Variants in RALYL observed in about 807,000 individuals in gnomAD.
The protein encoded by RALYL is RALY RNA binding protein like.
A neutral mutation model predicts 35.1 loss-of-function variants in RALYL; 29 were observed. The ratio of observed to expected loss-of-function variants is 0.83; its 90% confidence interval spans 0.61 to 1.13. The LOEUF (loss-of-function observed/expected upper bound fraction) is 1.13. Among genes scored for constraint, RALYL ranks in the 50% most tolerant of loss-of-function variants. The pLI, the probability that RALYL is intolerant of heterozygous loss-of-function variation, is 0.00. For missense variants in RALYL, 359 were observed against 360.4 expected (o/e 1.00, Z 0.03); for synonymous variants, 120 against 127.6 (o/e 0.94, Z 0.40).
chr8:84,785,317 A>G (rs1291615171), intron 3 of RALYL, among the ~76,000 whole-genome samples: 1 of 152,188 alleles, frequency 6.6e-6, no homozygotes, highest in Non-Finnish European at 1.5e-5. Context: ...ACCTGCAACT[A>G]AGTTGTGTAT....
chr8:84,220,886 C>A (rs373123931), intron 1 of RALYL, among the ~76,000 whole-genome samples: 9 of 151,922 alleles, frequency 5.9e-5, no homozygotes, highest in East Asian at 1.9e-4. Flanking sequence ...TTAATATAAA[C>A]TATACTATCT....
chr8:84,516,265 A>G (rs538912104), intron 1 of RALYL, among the ~76,000 whole-genome samples: 1 of 152,188 alleles, frequency 6.6e-6, no homozygotes, highest in Non-Finnish European at 1.5e-5. Flanking sequence ...AGAGTTTATA[A>G]TATATTTCAT....
intron 2 of RALYL, among the ~76,000 whole-genome samples, chr8:84,768,843 AT>A (rs1311615292): frequency 6.6e-6 from 1 of 152,162 alleles, no homozygotes; most frequent in Non-Finnish European, 1.5e-5. Flanking sequence ...TTTCTTTGGC[AT>A]TTTTTAATAC....
intron 1 of RALYL, among the ~76,000 whole-genome samples, chr8:84,236,009 C>G (rs911908847): frequency 6.6e-6 from 1 of 152,062 alleles, no homozygotes; most frequent in South Asian, 2.1e-4. Flanking sequence ...TCATAATCCA[C>G]CCACCTTGGC....
At chr8:84,649,292 C>T (rs1588743883) in intron 2 of RALYL, among the ~76,000 whole-genome samples, 1 of 151,902 alleles carries the variant, frequency 6.6e-6, no homozygotes, top group Non-Finnish European at 1.5e-5. Flanking sequence ...TAATTAGATC[C>T]CATTTGTCAA....
At chr8:84,440,969 A>AT (rs2132953122) in intron 1 of RALYL, among the ~76,000 whole-genome samples, 1 of 152,050 alleles carries the variant, frequency 6.6e-6, no homozygotes, top group East Asian at 1.9e-4. Flanking sequence ...TAGTTTTACT[A>AT]TTTTTCATTC....
chr8:84,440,671 C>G (rs2048233700), intron 1 of RALYL, among the ~76,000 whole-genome samples: 6 of 151,982 alleles, frequency 3.9e-5, no homozygotes. Context: ...TACTTTGTTC[C>G]TTGTTCCACA....
chr8:84,739,639 A>G (rs999367585), intron 2 of RALYL, among the ~76,000 whole-genome samples: 5 of 151,848 alleles, frequency 3.3e-5, no homozygotes, highest in African/African-American at 1.2e-4. Context: ...TCACACACAA[A>G]CATGACAGAA....
intron 2 of RALYL, among the ~76,000 whole-genome samples, chr8:84,645,158 C>T (rs962829336): frequency 6.6e-5 from 10 of 151,898 alleles, no homozygotes; most frequent in Non-Finnish European, 1.2e-4. Flanking sequence ...TAGGATGTGA[C>T]TAATATGTTG....
At chr8:84,283,122 C>T (rs1172880149) in intron 1 of RALYL, among the ~76,000 whole-genome samples, 6 of 151,992 alleles carry the variant, frequency 3.9e-5, no homozygotes, top group East Asian at 1.9e-4. Context: ...TAAAGAATAA[C>T]ATAATGATAT....
intron 1 of RALYL, among the ~76,000 whole-genome samples, chr8:84,235,539 C>T (rs1826325324): frequency 6.6e-6 from 1 of 152,164 alleles, no homozygotes; most frequent in African/African-American, 2.4e-5. Flanking sequence ...TCAGAATGTC[C>T]TGCAAGATTT....
At chr8:84,873,510 A>G in intron 7 of RALYL, 113 bp downstream of exon 7, 1 of 528,546 alleles carries the variant, frequency 1.9e-6, no homozygotes. Flanking sequence ...TGTTTAATAC[A>G]GATGTGCCAA....
At chr8:84,696,456 A>G (rs1490756434) in intron 2 of RALYL, among the ~76,000 whole-genome samples, 1 of 151,904 alleles carries the variant, frequency 6.6e-6, no homozygotes, top group Non-Finnish European at 1.5e-5. Context: ...AAATGGTCTT[A>G]GAAGCTGGGA....
chr8:84,316,172 AT>A (rs1843715335), intron 1 of RALYL, among the ~76,000 whole-genome samples: 2 of 152,092 alleles, frequency 1.3e-5, no homozygotes, highest in African/African-American at 4.8e-5. Context: ...AATAACAACT[AT>A]AACTTTGTTT....
intron 1 of RALYL, among the ~76,000 whole-genome samples, chr8:84,487,891 G>T (rs1340444980): frequency 1.3e-5 from 2 of 152,148 alleles, no homozygotes; most frequent in Non-Finnish European, 2.9e-5. Context: ...TGCAGTGAAT[G>T]ATTTACTATC....
intron 2 of RALYL, among the ~76,000 whole-genome samples, chr8:84,711,712 T>C (rs188461291): frequency 6.6e-6 from 1 of 152,316 alleles, no homozygotes; most frequent in East Asian, 1.9e-4. Flanking sequence ...GGTTTGATAT[T>C]TTGTAATTTT....
At chr8:84,874,976 C>T (rs928756507) in intron 7 of RALYL, among the ~76,000 whole-genome samples, 1 of 152,146 alleles carries the variant, frequency 6.6e-6, no homozygotes, top group Admixed American at 6.6e-5. Context: ...TCAACTCACA[C>T]TAACCCTTGT....
chr8:84,586,221 ATG>A (rs374899700), intron 2 of RALYL, among the ~76,000 whole-genome samples: 107 of 151,970 alleles, frequency 7.0e-4, no homozygotes, highest in African/African-American at 2.4e-3. Context: ...AGAAAGAAAA[ATG>A]TGATTTTCAA....
At position 84,367,318 on chromosome 8, in the gene RALYL, A is replaced by ATTTT. The variant is rs56387511; in HGVS notation, c.-23-161933_-23-161930dup. Among the ~76,000 whole-genome samples the ATTTT allele has an allele frequency of 4.4e-4, 12 of 27,406 alleles. 3 individuals carry two copies. The highest frequency in any genetic ancestry group is 5.1e-4 in the Admixed American group (1 of 1,974). The allele number at this position is 27,406 out of a possible 152,430, so 18.0% of individuals were successfully genotyped here. On this transcript the variant is annotated intron_variant, in intron 1 of 8. Transcript: ENST00000521268. ...GCCATCCTGCCCAACTAATTTTTGTATTTTTTTTTTTTTTTTTTTTTTTTT... is the reference window on the plus strand; with the variant it reads ...GCCATCCTGCCCAACTAATTTTTGTATTTTTTTTTTTTTTTTTTTTTTTTTTTTT...
Sources: gnomAD v4.1 joint callset for allele counts (sites outside exome capture counted in the v4.1 genomes callset) on GRCh38, gnomAD v4.1.1 for gene constraint, MANE v1.5 for transcripts, NCBI Gene and HGNC (gene_info 2026-07-23, HGNC 2026-07-21) for gene names.